The following C15orf40 variants were observed in gnomAD, a reference collection of about 807,000 sequenced individuals.
C15orf40 encodes chromosome 15 open reading frame 40.
Under a neutral mutation model 13.9 loss-of-function variants are expected in C15orf40, and 9 were observed. The observed-to-expected ratio is 0.65, with a 90% CI of 0.39 to 1.13. The LOEUF (loss-of-function observed/expected upper bound fraction) is 1.13, where lower values mean the gene tolerates loss of function less well. Ranked by LOEUF, C15orf40 falls within the 50% of genes most tolerant of loss-of-function variation. The pLI, the probability that C15orf40 is intolerant of heterozygous loss-of-function variation, is 0.01. For missense variants in C15orf40, 225 were observed against 188.5 expected, an observed-to-expected ratio of 1.19 and a Z score of -1.13; for synonymous variants, 95 against 69.2, an observed-to-expected ratio of 1.37 and a Z score of -1.85.
downstream of C15orf40, chr15:82,989,067 A>G (rs373175542): frequency 3.7e-6 from 6 of 1,613,742 alleles, no homozygotes; most frequent in African/African-American, 6.7e-5. Context: ...GATGTTTGCT[A>G]GTAGATTCAC....
chr15:83,006,063 G>C (rs1408973580), intron 3 of C15orf40, among the ~76,000 whole-genome samples: 7 of 151,724 alleles, frequency 4.6e-5, no homozygotes, highest in Admixed American at 4.6e-4. Flanking sequence ...AACCCCGTCT[G>C]TACTAAAAAT....
chr15:82,991,677 T>C (rs1275169889), downstream of C15orf40, among the ~76,000 whole-genome samples: 1 of 152,110 alleles, frequency 6.6e-6, no homozygotes, highest in Non-Finnish European at 1.5e-5. Flanking sequence ...TATTCTCCCT[T>C]CCTGAAGAGC....
chr15:83,005,076 A>T lies in C15orf40; in HGVS notation c.*521T>A, dbSNP rs1287685134. 8.4e-7 allele frequency: 1 copy of T among 1,187,882 alleles called. No individual in the cohort carries two copies. The highest frequency in any genetic ancestry group is 1.1e-6 in the Non-Finnish European group (1 of 927,122). The allele number at this position is 1,187,882 out of a possible 1,614,324, so 73.6% of individuals were successfully genotyped here. ...TGTTATTTTACAACGCCATGAAATC[A>T]GAGTAACATGTTCCAGGCTGTTTGG... On this transcript the variant is annotated 3_prime_UTR_variant, in exon 4 of 4. Coordinates refer to ENST00000304177, the MANE Select transcript of C15orf40 (RefSeq NM_144597.3).
intron 2 of C15orf40, among the ~76,000 whole-genome samples, chr15:83,009,595 TCCC>T (rs773989633): frequency 6.6e-6 from 1 of 152,054 alleles, no homozygotes; most frequent in South Asian, 2.1e-4. Flanking sequence ...TAGAATCCCT[TCCC>T]CCAATTTTCT....
downstream of C15orf40, chr15:82,990,575 A>G (rs1407188850): frequency 5.5e-5 from 65 of 1,192,212 alleles, no homozygotes; most frequent in African/African-American, 6.5e-5. Flanking sequence ...TTAAGTGACT[A>G]TGGTACTTTG....
intron 2 of C15orf40, among the ~76,000 whole-genome samples, chr15:83,009,323 G>A (rs1183357999): frequency 2.6e-5 from 4 of 152,010 alleles, no homozygotes; most frequent in African/African-American, 7.3e-5. Context: ...TTTTACAAAT[G>A]AGCCATGGCA....
downstream of C15orf40, chr15:82,989,255 G>A: frequency 6.5e-7 from 1 of 1,546,118 alleles, no homozygotes; most frequent in Non-Finnish European, 8.8e-7. Context: ...CTGCTAGACT[G>A]GAAGGCCAGT....
downstream of C15orf40, chr15:82,990,559 C>CTTTA (rs2030811075): frequency 1.5e-6 from 1 of 650,974 alleles, no homozygotes; most frequent in Non-Finnish European, 2.2e-6. Flanking sequence ...TTTTTTTTTG[C>CTTTA]ATTTGTTAAG....
downstream of C15orf40, chr15:82,990,701 G>C (rs769655886): frequency 2.2e-5 from 32 of 1,458,040 alleles, 1 homozygote; most frequent in Admixed American, 3.0e-4. Context: ...TCTTGATCTG[G>C]TGGTGGTTGG....
chr15:83,009,921 T>C (rs533441771), intron 2 of C15orf40, among the ~76,000 whole-genome samples: 2 of 152,344 alleles, frequency 1.3e-5, no homozygotes, highest in Admixed American at 1.3e-4. Flanking sequence ...CTCTGGCCAA[T>C]GTCTCCAGTT....
chr15:83,004,636 A>G lies in C15orf40; in HGVS notation c.*961T>C. ...ATTAGAGGAAGATGAAAATTCAGTG[A>G]CTTCTCAAAAATTATAATTCACATT... On this transcript the variant is annotated 3_prime_UTR_variant, in exon 4 of 4. Transcript: ENST00000304177. 2.2e-6 allele frequency: 2 copies of G among 905,082 alleles called. No homozygotes were observed. Among genetic ancestry groups the G allele is most frequent in the Non-Finnish European group, 2.6e-6 (2 of 755,656 alleles). The allele number at this position is 905,082 out of a possible 1,614,324, so 56.1% of individuals were successfully genotyped here.
In C15orf40 at chr15:83,002,260, T is replaced by TACTG. The variant is rs1232284582; in HGVS notation, c.*3333_*3336dup. On this transcript the variant is annotated 3_prime_UTR_variant, in exon 4 of 4. Transcript: ENST00000304177. The stretch of plus-strand genomic sequence containing the variant: ...TCCCCATATCTTCTTTGTTACAAGA[T>TACTG]ACTGCTACGTTTCTCAAAGAAAAAA... 6.6e-6 allele frequency: 1 copy of TACTG among 152,232 alleles called. No homozygotes were observed. Among genetic ancestry groups the TACTG allele is most frequent in the Non-Finnish European group, 1.5e-5 (1 of 68,044 alleles). 9.4% of individuals were successfully genotyped at this position (152,232 alleles called of 1,614,324 possible).
At chr15:83,009,253 AC>A (rs2031866986) in intron 2 of C15orf40, among the ~76,000 whole-genome samples, 1 of 152,254 alleles carries the variant, frequency 6.6e-6, no homozygotes, top group Non-Finnish European at 1.5e-5. Context: ...CTTTACAAAT[AC>A]TAACTTCTTT....
In C15orf40 at chr15:83,005,776, G is replaced by A. The variant is rs867280856; in HGVS notation, c.367-84C>T. 4 of 1,480,110 alleles carry A rather than the reference G, an allele frequency of 2.7e-6. No homozygotes were observed. The Middle Eastern group carries it at 8.1e-4, about 301-fold the overall frequency. 91.7% of individuals were successfully genotyped at this position (1,480,110 alleles called of 1,614,324 possible). The stretch of plus-strand genomic sequence containing the variant: ...ATAGCAGACCTCCGTTGTATAATGG[G>A]CTCTCCTGATGGCTTTCTCTTGGTT... On this transcript the variant is annotated intron_variant, in intron 3 of 3. Coordinates refer to ENST00000304177, the MANE Select transcript of C15orf40 (RefSeq NM_144597.3).
Position 83,008,490 on chromosome 15 carries a change from G to A in C15orf40, c.366+58C>T, listed in dbSNP as rs1275024584. ...GCCAAGACTACGCCACTGCACTCCA[G>A]CTTGGGCGACAGAGCAAGATTTTGT... On this transcript the variant is annotated intron_variant, in intron 3 of 3. Transcript: ENST00000304177. 15 of 1,578,498 alleles carry A rather than the reference G, an allele frequency of 9.5e-6. No homozygotes were observed. The South Asian group carries it at 1.3e-4, about 14-fold the overall frequency.
Position 83,004,809 on chromosome 15 carries a change from C to A in C15orf40, c.*788G>T. ...CAAAGCAGCATAACAGGTTTTCTGT[C>A]ACTTGTAAACTGGATTAGAAGGCAA... On this transcript the variant is annotated 3_prime_UTR_variant, in exon 4 of 4. Transcript: ENST00000304177. 1 of 1,215,158 alleles carries A rather than the reference C, an allele frequency of 8.2e-7. No individual in the cohort carries two copies. Among genetic ancestry groups the A allele is most frequent in the South Asian group, 1.5e-5 (1 of 64,700 alleles). The allele number at this position is 1,215,158 out of a possible 1,614,324, so 75.3% of individuals were successfully genotyped here. A position where few individuals can be genotyped will look rare whatever the true frequency, so the allele number is the denominator to read the frequency against.
Position 82,996,365 on chromosome 15 carries a change from GC to G in C15orf40, c.*9231del, listed in dbSNP as rs1299893260. The G allele has an allele frequency of 2.0e-5, 3 of 152,206 alleles. No homozygotes were observed. Among genetic ancestry groups the G allele is most frequent in the Admixed American group, 1.3e-4 (2 of 15,272 alleles). 9.4% of individuals were successfully genotyped at this position (152,206 alleles called of 1,614,324 possible). On this transcript the variant is annotated 3_prime_UTR_variant, in exon 4 of 4. Coordinates refer to ENST00000304177, the MANE Select transcript of C15orf40 (RefSeq NM_144597.3). ...GTGTGTTTACAAAATAATAAAGCTG[GC>G]GCGGTGGCTCACGCCTGTAATCCCA...
chr15:83,001,480 A>G lies in C15orf40; in HGVS notation c.*4117T>C, dbSNP rs1223590929. 1 of 197,812 alleles carries G rather than the reference A, an allele frequency of 5.1e-6. No homozygotes were observed. Among genetic ancestry groups the G allele is most frequent in the Non-Finnish European group, 9.1e-6 (1 of 110,020 alleles). The allele number at this position is 197,812 out of a possible 1,614,324, so 12.3% of individuals were successfully genotyped here. On this transcript the variant is annotated 3_prime_UTR_variant, in exon 4 of 4. Coordinates refer to ENST00000304177, the MANE Select transcript of C15orf40 (RefSeq NM_144597.3). ...ATTCATAGGCTGCTTCAAATCCAGG[A>G]TTCTCAGGACAGCACAGGACAAGAA... is the stretch of plus-strand genomic sequence containing the variant.
At chr15:82,991,652 T>C (rs1458256549), downstream of C15orf40, among the ~76,000 whole-genome samples, 1 of 152,212 alleles carries the variant, frequency 6.6e-6, no homozygotes, top group Non-Finnish European at 1.5e-5. Context: ...ATGCTCTCCA[T>C]CTACCTCTCC....
Sources: allele counts gnomAD v4.1 joint callset (sites outside exome capture counted in the v4.1 genomes callset), GRCh38; gene constraint gnomAD v4.1.1; transcripts MANE v1.5; gene names NCBI Gene and HGNC (gene_info 2026-07-23, HGNC 2026-07-21).